Variants in CACNA2D3 observed in about 807,000 individuals in gnomAD.
CACNA2D3 encodes the protein calcium voltage-gated channel auxiliary subunit alpha2delta 3.
In CACNA2D3, 60 loss-of-function variants were observed where a neutral mutation model predicts 160.6. That is an observed-to-expected ratio of 0.37 (90% confidence interval 0.30 to 0.46). The LOEUF is 0.46. Among genes scored for constraint, CACNA2D3 ranks in the 20% least tolerant of loss-of-function variants. The pLI, the probability that CACNA2D3 is intolerant of heterozygous loss-of-function variation, is 1.00. For missense variants in CACNA2D3, 1,205 were observed against 1,365.0 expected, an observed-to-expected ratio of 0.88 and a Z score of 1.85; for synonymous variants, 558 against 492.9, an observed-to-expected ratio of 1.13 and a Z score of -1.75.
chr3:54,465,064 T>C (rs1700595523), intron 4 of CACNA2D3, among the ~76,000 whole-genome samples: 2 of 152,262 alleles, frequency 1.3e-5, no homozygotes, highest in South Asian at 2.1e-4. Context: ...CCTTTTTTTT[T>C]GGTCTGCCTG....
intron 27 of CACNA2D3, among the ~76,000 whole-genome samples, chr3:54,910,398 C>T (rs1394306515): frequency 6.6e-6 from 1 of 152,140 alleles, no homozygotes; most frequent in Non-Finnish European, 1.5e-5. Flanking sequence ...TCTCTGGAAC[C>T]CACTCCACAA....
Position 54,615,791 on chromosome 3 carries a change from T to C in CACNA2D3, c.964-11996T>C, listed in dbSNP as rs78803741. On this transcript the variant is annotated intron_variant, in intron 9 of 37. Coordinates refer to ENST00000474759, the MANE Select transcript of CACNA2D3 (RefSeq NM_018398.3). ...ACAGATCAAATACCATACTGGTCTC[T>C]GGTCTGTTAGGAACCAGGCTGCACA... 7.2e-3 allele frequency among the ~76,000 whole-genome samples: 1,102 copies of C among 152,312 alleles called. 18 individuals are homozygous for C. Among genetic ancestry groups the C allele is most frequent in the African/African-American group, 0.025 (1,020 of 41,574 alleles).
chr3:54,204,618 A>G (rs1383363639), intron 2 of CACNA2D3, among the ~76,000 whole-genome samples: 1 of 152,084 alleles, frequency 6.6e-6, no homozygotes, highest in African/African-American at 2.4e-5. Context: ...AACATGGTGA[A>G]ACCCTGTCTC....
chr3:54,768,861 T>G (rs1257578280), intron 13 of CACNA2D3, among the ~76,000 whole-genome samples: 1 of 152,170 alleles, frequency 6.6e-6, no homozygotes, highest in Non-Finnish European at 1.5e-5. Flanking sequence ...TTGCTGTATC[T>G]TTGCAAATTG....
intron 11 of CACNA2D3, among the ~76,000 whole-genome samples, chr3:54,662,518 A>C (rs1202223931): frequency 6.6e-6 from 1 of 152,238 alleles, no homozygotes; most frequent in Admixed American, 6.5e-5. Context: ...GGAACAGCCA[A>C]GAATTCCCTG....
chr3:54,628,996 G>C (rs991898100), intron 10 of CACNA2D3, among the ~76,000 whole-genome samples: 2 of 152,152 alleles, frequency 1.3e-5, no homozygotes, highest in Non-Finnish European at 2.9e-5. Flanking sequence ...AGAGCGTAGA[G>C]AAATTGCTTA....
chr3:54,431,046 A>T (rs1485995040), intron 4 of CACNA2D3, among the ~76,000 whole-genome samples: 1 of 152,154 alleles, frequency 6.6e-6, no homozygotes, highest in African/African-American at 2.4e-5. Context: ...GTACTAAGAA[A>T]AATCATAAGG....
intron 13 of CACNA2D3, among the ~76,000 whole-genome samples, chr3:54,810,377 A>G (rs962146730): frequency 3.3e-5 from 5 of 152,224 alleles, no homozygotes; most frequent in Non-Finnish European, 5.9e-5. Context: ...TTAGCTCATC[A>G]GAGACCCCTT....
chr3:54,718,203 G>A (rs1701099132), intron 11 of CACNA2D3, among the ~76,000 whole-genome samples: 2 of 151,964 alleles, frequency 1.3e-5, no homozygotes. Flanking sequence ...TTCTTTTAAT[G>A]CTATCTTTTG....
chr3:54,371,107 A>G (rs1052526790), intron 3 of CACNA2D3, among the ~76,000 whole-genome samples: 3 of 152,164 alleles, frequency 2.0e-5, no homozygotes, highest in South Asian at 2.1e-4. Context: ...TTGTTGATCC[A>G]TTCATCAGTT....
At chr3:54,910,902 T>G (rs922191756) in intron 27 of CACNA2D3, among the ~76,000 whole-genome samples, 10 of 152,192 alleles carry the variant, frequency 6.6e-5, no homozygotes, top group African/African-American at 2.2e-4. Flanking sequence ...ATTTATTTTT[T>G]TAAACAAAGC....
At chr3:54,143,667 T>C (rs1346065519) in intron 2 of CACNA2D3, among the ~76,000 whole-genome samples, 1 of 151,192 alleles carries the variant, frequency 6.6e-6, no homozygotes, top group Admixed American at 6.6e-5. Context: ...GCCTGGCTAA[T>C]TTTTTGTATT....
In CACNA2D3 at chr3:55,004,134, G is replaced by T. The variant is rs145634508; in HGVS notation, c.2691-629G>T. 1.2e-3 allele frequency among the ~76,000 whole-genome samples: 179 copies of T among 152,180 alleles called. 1 individual carries two copies. Among genetic ancestry groups the T allele is most frequent in the African/African-American group, 4.2e-3 (176 of 41,500 alleles). ...TTGGGATGAAAGCCATACTTTTATCGCCAGTGTAGGAAAAAAATGTCCACC... is the reference window on the plus strand; with the variant it reads ...TTGGGATGAAAGCCATACTTTTATCTCCAGTGTAGGAAAAAAATGTCCACC... On this transcript the variant is annotated intron_variant, in intron 31 of 37. Transcript: ENST00000474759.
At position 54,408,515 on chromosome 3, in the gene CACNA2D3, C is replaced by G. The variant is rs145801106; in HGVS notation, c.381+21741C>G. On this transcript the variant is annotated intron_variant, in intron 4 of 37. Transcript: ENST00000474759. The stretch of plus-strand genomic sequence containing the variant: ...AGTCAGCATAAATAGAAAGACCCAT[C>G]TGCTTTAACTATTACCGAAAAAGTA... Among the ~76,000 whole-genome samples the G allele has an allele frequency of 5.8e-3, 883 of 152,272 alleles. 5 individuals are homozygous for G. The highest frequency in any genetic ancestry group is 0.02 in the African/African-American group (819 of 41,540).
intron 2 of CACNA2D3, among the ~76,000 whole-genome samples, chr3:54,268,449 G>T (rs929907934): frequency 3.9e-5 from 6 of 152,150 alleles, no homozygotes; most frequent in Admixed American, 3.3e-4. Context: ...CACTCTTGTC[G>T]CCCAGGCTGG....
intron 5 of CACNA2D3, among the ~76,000 whole-genome samples, chr3:54,517,342 T>C (rs1217044553): frequency 1.3e-5 from 2 of 152,238 alleles, no homozygotes; most frequent in East Asian, 3.9e-4. Context: ...TAGCCATGGC[T>C]AGTTCTTAAT....
At chr3:54,825,518 A>G (rs1279041032) in intron 14 of CACNA2D3, among the ~76,000 whole-genome samples, 3 of 152,182 alleles carry the variant, frequency 2.0e-5, no homozygotes, top group Non-Finnish European at 4.4e-5. Flanking sequence ...ATTTCTTGGT[A>G]GATTTAGAAC....
Position 54,962,296 on chromosome 3 carries a change from T to C in CACNA2D3, c.2450-6154T>C, listed in dbSNP as rs73845235. ...ATTCTCTAAGAGCCTGCTTGGCTGA[T>C]AGCATGATTTTGTAATGCATTTGCT... On this transcript the variant is annotated intron_variant, in intron 27 of 37. Coordinates refer to ENST00000474759, the MANE Select transcript of CACNA2D3 (RefSeq NM_018398.3). 7.2e-3 allele frequency among the ~76,000 whole-genome samples: 1,093 copies of C among 152,298 alleles called. 22 individuals are homozygous for C. Among genetic ancestry groups the C allele is most frequent in the African/African-American group, 0.025 (1,033 of 41,554 alleles).
chr3:54,680,686 T>C (rs897830947), intron 11 of CACNA2D3, among the ~76,000 whole-genome samples: 3 of 152,246 alleles, frequency 2.0e-5, no homozygotes, highest in Non-Finnish European at 4.4e-5. Flanking sequence ...GAGGAGAGGC[T>C]GTCCTCCCTG....
Sources: allele counts gnomAD v4.1 joint callset (sites outside exome capture counted in the v4.1 genomes callset), GRCh38; gene constraint gnomAD v4.1.1; transcripts MANE v1.5; gene names NCBI Gene and HGNC (gene_info 2026-07-23, HGNC 2026-07-21).